Variants in DCHS2 observed in about 807,000 individuals in gnomAD.
DCHS2 encodes the protein dachsous cadherin-related 2, also known as protocadherin-23.
In DCHS2, 142 loss-of-function variants were observed where a neutral mutation model predicts 182.4. The observed-to-expected ratio is 0.78, with a 90% CI of 0.68 to 0.89. DCHS2 has a LOEUF of 0.89. Among genes scored for constraint, DCHS2 ranks in the 40% least tolerant of loss-of-function variants. The pLI is 0.00. For missense variants in DCHS2, 4,319 were observed against 4,198.6 expected, an observed-to-expected ratio of 1.03 and a Z score of -0.79; for synonymous variants, 1,740 against 1,663.3, an observed-to-expected ratio of 1.05 and a Z score of -1.12.
intron 3 of DCHS2, among the ~76,000 whole-genome samples, chr4:154,363,214 A>G (rs1367075487): frequency 6.6e-6 from 1 of 152,228 alleles, no homozygotes; most frequent in African/African-American, 2.4e-5. Flanking sequence ...ACTTCTGAGT[A>G]TATATCCAAA....
intron 1 of DCHS2, among the ~76,000 whole-genome samples, chr4:154,457,347 G>A (rs1272751317): frequency 6.6e-6 from 1 of 152,062 alleles, no homozygotes; most frequent in East Asian, 1.9e-4. Context: ...ATCAAGTCGT[G>A]CAAATCATTT....
chr4:154,305,665 C>T (rs1231829146), intron 10 of DCHS2, among the ~76,000 whole-genome samples: 2 of 152,182 alleles, frequency 1.3e-5, no homozygotes, highest in African/African-American at 2.4e-5. Context: ...TATTCTCAAC[C>T]TCAAGAAGCG....
Position 154,417,022 on chromosome 4 carries a change from G to A in DCHS2, c.2053-39578C>T, listed in dbSNP as rs148628898. On this transcript the variant is annotated intron_variant, in intron 1 of 19. Coordinates refer to ENST00000357232, the MANE Select transcript of DCHS2 (RefSeq NM_001358235.2). ...GCTGCAGGGATCACGGACGCCAAGCGGCACTATTTTACTAGGAGCTGCAAC... is the reference window on the plus strand; with the variant it reads ...GCTGCAGGGATCACGGACGCCAAGCAGCACTATTTTACTAGGAGCTGCAAC... 2.1e-3 allele frequency among the ~76,000 whole-genome samples: 327 copies of A among 152,196 alleles called. 3 individuals are homozygous for A. The highest frequency in any genetic ancestry group is 7.6e-3 in the African/African-American group (314 of 41,518).
chr4:154,394,106 C>CT (rs1731830540), intron 1 of DCHS2, among the ~76,000 whole-genome samples: 1 of 152,046 alleles, frequency 6.6e-6, no homozygotes, highest in Admixed American at 6.6e-5. Context: ...GAGCGGAAGG[C>CT]TAGGAGAGGA....
rs115246304 is a variant in DCHS2 at position 154,431,217 on chromosome 4, G to A, written c.2053-53773C>T. Among the ~76,000 whole-genome samples the A allele has an allele frequency of 7.7e-3, 1,171 of 152,172 alleles. 12 individuals carry two copies. The highest frequency in any genetic ancestry group is 0.034 in the Middle Eastern group (10 of 294). On this transcript the variant is annotated intron_variant, in intron 1 of 19. Transcript: ENST00000357232. ...AACAGACCTCAGCTTGGATGCAGGC[G>A]GGGGGAGATTTAACACTAAATTTTC...
At chr4:154,412,913 C>A (rs892450379) in intron 1 of DCHS2, among the ~76,000 whole-genome samples, 2 of 152,152 alleles carry the variant, frequency 1.3e-5, no homozygotes, top group Non-Finnish European at 2.9e-5. Context: ...CTATGCAAAT[C>A]ATGGGCGCTC....
intron 12 of DCHS2, among the ~76,000 whole-genome samples, chr4:154,300,641 G>C (rs1360413844): frequency 6.6e-6 from 1 of 151,978 alleles, no homozygotes. Context: ...AGTGAGCTGT[G>C]ATTGTGCTGC....
intron 1 of DCHS2, among the ~76,000 whole-genome samples, chr4:154,471,717 T>C (rs922238866): frequency 6.6e-6 from 1 of 152,112 alleles, no homozygotes; most frequent in Admixed American, 6.6e-5. Flanking sequence ...TTGTGTCTTT[T>C]CCATTCTCTA....
chr4:154,320,441 T>C lies in DCHS2; in HGVS notation c.4958A>G (p.Lys1653Arg). The C allele has an allele frequency of 6.2e-7, 1 of 1,614,118 alleles. No homozygotes were observed. Among genetic ancestry groups the C allele is most frequent in the African/African-American group, 1.3e-5 (1 of 75,040 alleles). Reference sequence around the variant, plus strand: ...TCCTGAGAGGATGCTGTATGTTACTTTTCCATTCCTTCCTTCGTCTGGATC... The same window carrying C: ...TCCTGAGAGGATGCTGTATGTTACTCTTCCATTCCTTCCTTCGTCTGGATC... The part of the protein sequence containing the change: ...AHDPDEGRNG[K>R]VTYSILSGNE... Residue 1653 changes from lysine (K) to arginine (R), a missense_variant, in exon 9 of 20, where the codon AAA becomes AGA. Lys to Arg is a conservative substitution (Grantham distance 26, BLOSUM62 2). Transcript: ENST00000357232.
intron 1 of DCHS2, among the ~76,000 whole-genome samples, chr4:154,470,429 A>C (rs1428692141): frequency 4.6e-5 from 7 of 151,722 alleles, no homozygotes; most frequent in Admixed American, 4.6e-4. Flanking sequence ...TCTAGGCTGC[A>C]GTGAGCCATG....
In DCHS2 at chr4:154,490,073, T is replaced by G. The variant is rs2111056546; in HGVS notation, c.1283A>C (p.Glu428Ala). 1 of 1,548,468 alleles carries G rather than the reference T, an allele frequency of 6.5e-7. No individual in the cohort carries two copies. Among genetic ancestry groups the G allele is most frequent in the South Asian group, 1.2e-5 (1 of 83,984 alleles). Residue 428 changes from glutamate to alanine, a missense_variant, in exon 1 of 20, where the codon GAA becomes GCA. Coordinates refer to ENST00000357232, the MANE Select transcript of DCHS2 (RefSeq NM_001358235.2). Reference sequence around the variant, plus strand: ...CACGTAGTCGCCCGGTCGGGCGCCTTCAGAGACACGGGCGACGCCTCCCTC... The same window carrying G: ...CACGTAGTCGCCCGGTCGGGCGCCTGCAGAGACACGGGCGACGCCTCCCTC... ...LTEGGVARVS[E>A]GARPGDYVAR...
chr4:154,412,169 A>C (rs1579058896), intron 1 of DCHS2, among the ~76,000 whole-genome samples: 1 of 152,248 alleles, frequency 6.6e-6, no homozygotes, highest in East Asian at 1.9e-4. Flanking sequence ...GAAAAAAAGC[A>C]CAAAATTGCT....
At chr4:154,333,662 T>C (rs1380307991) in intron 4 of DCHS2, 168 bp from the exon 5 acceptor site, 1 of 709,444 alleles carries the variant, frequency 1.4e-6, no homozygotes, top group Non-Finnish European at 2.3e-6. Context: ...TATTTTATTG[T>C]ACCTTTTCTG....
chr4:154,304,459 CAG>C (rs1735354002), intron 12 of DCHS2, among the ~76,000 whole-genome samples: 1 of 151,998 alleles, frequency 6.6e-6, no homozygotes. Context: ...GAGTAATCAA[CAG>C]AGAGTGTGTG....
intron 1 of DCHS2, among the ~76,000 whole-genome samples, chr4:154,441,567 G>T (rs1734012255): frequency 6.6e-6 from 1 of 151,172 alleles, no homozygotes; most frequent in South Asian, 2.1e-4. Flanking sequence ...TTTCAGAAAA[G>T]TTTTTTCCTA....
In DCHS2 at chr4:154,322,422, G is replaced by A. The variant is rs148074622; in HGVS notation, c.4085C>T (p.Ser1362Leu). 98 of 1,613,670 alleles carry A rather than the reference G, an allele frequency of 6.1e-5. No homozygotes were observed. In the African/African-American group the frequency reaches 1.0e-3, roughly 17 times the overall value. ...NGEIRTTTIL[S>L]YDYRPSYRMS... ...TCTGTAGGAAGGTCTATAATCATACGAAAGTATTGTGGTTGTTCTTATTTC... is the reference window on the plus strand; with the variant it reads ...TCTGTAGGAAGGTCTATAATCATACAAAAGTATTGTGGTTGTTCTTATTTC... Residue 1362 changes from serine to leucine, a missense_variant, in exon 8 of 20, where the codon TCG becomes TTG. By Grantham distance (145) the Ser-to-Leu change is moderately radical. Transcript: ENST00000357232.
chr4:154,487,091 T>C (rs3857093), intron 1 of DCHS2, among the ~76,000 whole-genome samples: 105,942 of 152,076 alleles, frequency 0.7, 38,010 homozygotes, highest in East Asian at 0.99. Context: ...AAAATCATAA[T>C]TAATCCACCC....
In DCHS2 at chr4:154,329,584, TC is replaced by T. The variant is rs1300826197; in HGVS notation, c.3856del (p.Asp1286ThrfsTer20). The T allele has an allele frequency of 6.2e-7, 1 of 1,613,506 alleles. No homozygotes were observed. The highest frequency in any genetic ancestry group is 1.3e-5 in the African/African-American group (1 of 74,914). ...GAAGAAGGGCCTGTTATCATTGATG[TC>T]AGTAACTGAGACGTAAACCGCCATG... ...ATMAVYVSVT[D>X]INDNRPFFPQ... On this transcript the variant is annotated frameshift_variant, in exon 6 of 20. Transcript: ENST00000357232. LOFTEE classifies it high-confidence loss of function.
At chr4:154,292,919 G>A (rs549742003) in intron 13 of DCHS2, among the ~76,000 whole-genome samples, 3 of 152,098 alleles carry the variant, frequency 2.0e-5, no homozygotes, top group Non-Finnish European at 2.9e-5. Flanking sequence ...TGACCGCCCC[G>A]TTTCTTAAAT....
Sources: allele counts gnomAD v4.1 joint callset (sites outside exome capture counted in the v4.1 genomes callset), GRCh38; gene constraint gnomAD v4.1.1; transcripts MANE v1.5; gene names NCBI Gene and HGNC (gene_info 2026-07-23, HGNC 2026-07-21).